DNAH9: variants seen among roughly 807,000 people sequenced by gnomAD.
DNAH9 encodes the protein DNAH9 variant protein.
DNAH9 carries 345 observed loss-of-function variants against 471.6 expected under a neutral mutation model. The ratio of observed to expected loss-of-function variants is 0.73; its 90% confidence interval spans 0.67 to 0.80. The LOEUF (loss-of-function observed/expected upper bound fraction) is 0.80. Among genes scored for constraint, DNAH9 ranks in the 30% least tolerant of loss-of-function variants. The pLI is 0.00. For synonymous variants in DNAH9, 2,093 were observed against 2,123.6 expected, an observed-to-expected ratio of 0.99 and a Z score of 0.40; for missense variants, 5,407 against 5,609.2, an observed-to-expected ratio of 0.96 and a Z score of 1.15.
chr17:11,870,455 G>A (rs1424356578), intron 51 of DNAH9, among the ~76,000 whole-genome samples: 3 of 152,196 alleles, frequency 2.0e-5, no homozygotes, highest in African/African-American at 7.2e-5. Flanking sequence ...GAATTACACA[G>A]CAGAGCCAGA....
At chr17:11,888,536 G>C (rs1972953998) in intron 57 of DNAH9, among the ~76,000 whole-genome samples, 1 of 152,140 alleles carries the variant, frequency 6.6e-6, no homozygotes, top group Non-Finnish European at 1.5e-5. Context: ...AAACCATGTT[G>C]TAAGATGTTT....
At chr17:11,899,957 C>T (rs1288473512) in intron 59 of DNAH9, among the ~76,000 whole-genome samples, 1 of 152,076 alleles carries the variant, frequency 6.6e-6, no homozygotes, top group Non-Finnish European at 1.5e-5. Context: ...GAGTAACAGG[C>T]AAGTAAACCA....
chr17:11,920,887 TC>T (rs1205098448), intron 61 of DNAH9, among the ~76,000 whole-genome samples: 1 of 152,116 alleles, frequency 6.6e-6, no homozygotes, highest in Non-Finnish European at 1.5e-5. Flanking sequence ...ATGCCTGTAA[TC>T]CCAGCACTTT....
Position 11,937,525 on chromosome 17 carries a change from G to A in DNAH9, c.12660+3G>A. 7 of 1,609,308 alleles carry A rather than the reference G, an allele frequency of 4.3e-6. No individual in the cohort carries two copies. The highest frequency in any genetic ancestry group is 5.9e-6 in the Non-Finnish European group (7 of 1,177,234). The stretch of plus-strand genomic sequence containing the variant: ...CGGGCGCCACAAGAGAAGAAAAGGT[G>A]TGTGTGGTGGGGACTGCCTGAGGTC... On this transcript the variant is annotated splice_donor_region_variant and intron_variant, in intron 66 of 68. Coordinates refer to ENST00000262442, the MANE Select transcript of DNAH9 (RefSeq NM_001372.4). This position sits in a 1 kb window ranked among gnomAD's most constrained non-coding sequence, Gnocchi z 4.1.
chr17:11,904,340 T>C (rs901675772), intron 60 of DNAH9, among the ~76,000 whole-genome samples: 1 of 150,908 alleles, frequency 6.6e-6, no homozygotes, highest in African/African-American at 2.4e-5. Context: ...GCCACAAGAG[T>C]GGGGAGGGGG....
In DNAH9 at chr17:11,669,405, G is replaced by A; in HGVS notation, c.2964G>A (p.Met988Ile). ...ACGGTATACCAGATTTGGCAAACAT[G>A]CGGCGCACACTCATGGAGAGAGTCC... ...DLDGIPDLAN[M>I]RRTLMERVQR... Residue 988 changes from methionine to isoleucine, a missense_variant, in exon 17 of 69, where the codon ATG becomes ATA. Coordinates refer to ENST00000262442, the MANE Select transcript of DNAH9 (RefSeq NM_001372.4). 2 of 1,613,770 alleles carry A rather than the reference G, an allele frequency of 1.2e-6. No homozygotes were observed. The highest frequency in any genetic ancestry group is 1.7e-6 in the Non-Finnish European group (2 of 1,179,848).
chr17:11,701,098 G>A (rs372288067), intron 23 of DNAH9, 24 bp from the exon 24 acceptor site: 52 of 1,613,724 alleles, frequency 3.2e-5, no homozygotes, highest in Non-Finnish European at 4.2e-5. Flanking sequence ...GGCACCCAGT[G>A]TCTAACCTGA....
chr17:11,609,324 C>T (rs1024551683), intron 2 of DNAH9, among the ~76,000 whole-genome samples: 4 of 152,134 alleles, frequency 2.6e-5, no homozygotes, highest in African/African-American at 7.2e-5. Context: ...AAACTTATTG[C>T]GGTTTAATAA....
At chr17:11,908,686 C>T (rs1425884540) in intron 61 of DNAH9, among the ~76,000 whole-genome samples, 1 of 152,190 alleles carries the variant, frequency 6.6e-6, no homozygotes, top group Non-Finnish European at 1.5e-5. Flanking sequence ...CATCTAACAT[C>T]AAGAGAAAGG....
chr17:11,675,401 C>A (rs1267054582), intron 17 of DNAH9, among the ~76,000 whole-genome samples: 1 of 152,114 alleles, frequency 6.6e-6, no homozygotes, highest in Non-Finnish European at 1.5e-5. Context: ...TTTATTTCTT[C>A]TTCCTTCTCG....
chr17:11,967,369 G>T (rs1034363272), intron 68 of DNAH9, among the ~76,000 whole-genome samples: 1 of 151,904 alleles, frequency 6.6e-6, no homozygotes, highest in African/African-American at 2.4e-5. Context: ...GGCCTCCCAG[G>T]GTGCTGAGAT....
chr17:11,958,664 C>T (rs990786727), intron 67 of DNAH9, among the ~76,000 whole-genome samples: 1 of 151,304 alleles, frequency 6.6e-6, no homozygotes, highest in African/African-American at 2.4e-5. Context: ...GTGCATGTGT[C>T]GAGGCAGAAG....
intron 36 of DNAH9, among the ~76,000 whole-genome samples, chr17:11,763,914 T>G (rs1184129343): frequency 5.3e-5 from 8 of 152,192 alleles, no homozygotes; most frequent in African/African-American, 1.9e-4. Flanking sequence ...CTGGTATATA[T>G]GCACTACTTT....
intron 38 of DNAH9, among the ~76,000 whole-genome samples, chr17:11,777,238 A>G (rs1192292654): frequency 6.6e-6 from 1 of 152,234 alleles, no homozygotes; most frequent in Non-Finnish European, 1.5e-5. Flanking sequence ...CAAGCAGTTC[A>G]TAAAGGAAAA....
At chr17:11,836,014 T>G (rs7219827) in intron 49 of DNAH9, among the ~76,000 whole-genome samples, 74,636 of 152,034 alleles carry the variant, frequency 0.49, 18,459 homozygotes, top group East Asian at 0.61. Context: ...CAGTCAAACT[T>G]CAGGAGAAAC....
intron 53 of DNAH9, among the ~76,000 whole-genome samples, chr17:11,878,200 G>A (rs368973805): frequency 2.8e-4 from 42 of 152,008 alleles, no homozygotes; most frequent in South Asian, 2.3e-3. Flanking sequence ...AAACACTGCC[G>A]AATGCATTGT....
chr17:11,922,139 C>T (rs778864733), intron 61 of DNAH9, among the ~76,000 whole-genome samples: 19 of 152,316 alleles, frequency 1.2e-4, no homozygotes, highest in Non-Finnish European at 2.2e-4. Context: ...CTATTTCTTA[C>T]TACAAAAAGT....
intron 57 of DNAH9, among the ~76,000 whole-genome samples, chr17:11,890,263 G>T (rs1253618424): frequency 6.6e-6 from 1 of 151,924 alleles, no homozygotes; most frequent in African/African-American, 2.4e-5. Flanking sequence ...TGGTGCTGGG[G>T]GGACATTATC....
chr17:11,797,880 G>T (rs1308021335), intron 43 of DNAH9, 87 bp downstream of exon 43: 1 of 1,348,456 alleles, frequency 7.4e-7, no homozygotes, highest in Non-Finnish European at 1.0e-6. Flanking sequence ...GGTCACTTCC[G>T]TAAAGCCAGG....
Sources: gnomAD v4.1 joint callset for allele counts (sites outside exome capture counted in the v4.1 genomes callset) on GRCh38, gnomAD v4.1.1 for gene constraint, Gnocchi (gnomAD v3.1) non-coding constraint, MANE v1.5 for transcripts, NCBI Gene and HGNC (gene_info 2026-07-23, HGNC 2026-07-21) for gene names.